Variants in SLFN12L observed in about 807,000 individuals in gnomAD.
SLFN12L encodes the protein schlafen family member 12 like, also known as schlafen family member 12-like.
A neutral mutation model predicts 34.8 loss-of-function variants in SLFN12L; 34 were observed. That is an observed-to-expected ratio of 0.98 (90% CI 0.74 to 1.30). The LOEUF (loss-of-function observed/expected upper bound fraction) is 1.30, where lower values mean the gene tolerates loss of function less well. Ranked by LOEUF, SLFN12L falls within the 50% of genes most tolerant of loss-of-function variation. The pLI is 0.00. For synonymous variants in SLFN12L, 259 were observed against 247.5 expected (o/e 1.05, Z -0.44); for missense variants, 703 against 696.2 (o/e 1.01, Z -0.11).
intron 2 of SLFN12L, among the ~76,000 whole-genome samples, chr17:35,489,552 C>A (rs1470591115): frequency 6.6e-6 from 1 of 151,498 alleles, no homozygotes; most frequent in South Asian, 2.1e-4. Flanking sequence ...AAACCCTGTC[C>A]GTATATATAT....
chr17:35,504,107 G>T (rs1369302633), intron 2 of SLFN12L, among the ~76,000 whole-genome samples: 1 of 152,156 alleles, frequency 6.6e-6, no homozygotes, highest in East Asian at 1.9e-4. Flanking sequence ...TGCATTTAAT[G>T]CTTGCCTTGT....
chr17:35,477,589 G>A (rs938981379), intron 4 of SLFN12L, among the ~76,000 whole-genome samples: 7 of 152,048 alleles, frequency 4.6e-5, no homozygotes, highest in Non-Finnish European at 8.8e-5. Context: ...GTAAGAAAAA[G>A]ATAAAGCCTA....
chr17:35,528,554 A>T (rs919463564), intron 1 of SLFN12L, among the ~76,000 whole-genome samples: 5 of 152,120 alleles, frequency 3.3e-5, no homozygotes, highest in Non-Finnish European at 5.9e-5. Context: ...ATCCACAACC[A>T]TTTGATCTGA....
At chr17:35,531,988 C>T (rs2072415992) in intron 1 of SLFN12L, among the ~76,000 whole-genome samples, 1 of 151,774 alleles carries the variant, frequency 6.6e-6, no homozygotes, top group Non-Finnish European at 1.5e-5. Flanking sequence ...GAAATAGAAA[C>T]CTCAAGAACT....
rs1241243659 is a variant in SLFN12L at position 35,467,034 on chromosome 17, C to T, written c.*7889G>A. Among the ~76,000 whole-genome samples the T allele has an allele frequency of 6.6e-6, 1 of 152,194 alleles. No individual in the cohort carries two copies. The highest frequency in any genetic ancestry group is 6.5e-5 in the Admixed American group (1 of 15,284). On this transcript the variant is annotated 3_prime_UTR_variant, in exon 5 of 5. Transcript: ENST00000628453. ...TCTCTAACCTGTCTCAAGGAGGCTA[C>T]CAAGTCCTGGGCTCTCTAGCATATT...
At chr17:35,489,985 G>A (rs1914765844) in intron 2 of SLFN12L, 1 of 1,539,298 alleles carries the variant, frequency 6.5e-7, no homozygotes, top group Non-Finnish European at 8.9e-7. Context: ...TAGCAAATTG[G>A]GAATAGAAAG....
At chr17:35,477,537 G>A (rs944646425) in intron 4 of SLFN12L, among the ~76,000 whole-genome samples, 3 of 152,064 alleles carry the variant, frequency 2.0e-5, no homozygotes, top group Admixed American at 6.6e-5. Context: ...GTGACTAAAC[G>A]AGGATTTTAT....
chr17:35,478,881 A>T (rs1222457356), intron 3 of SLFN12L, among the ~76,000 whole-genome samples: 1 of 152,224 alleles, frequency 6.6e-6, no homozygotes, highest in Non-Finnish European at 1.5e-5. Context: ...TAGAGAAGAA[A>T]CATCTAGAAT....
intron 4 of SLFN12L, among the ~76,000 whole-genome samples, chr17:35,476,899 A>T (rs1273488997): frequency 1.3e-5 from 2 of 152,362 alleles, no homozygotes; most frequent in Non-Finnish European, 2.9e-5. Context: ...AAAAATCAGA[A>T]CAAATTACTA....
chr17:35,490,990 T>G, intron 2 of SLFN12L: 1 of 787,546 alleles, frequency 1.3e-6, no homozygotes, highest in Non-Finnish European at 2.3e-6. Context: ...GCTCAATTTC[T>G]ATGGGAAACC....
chr17:35,497,599 A>G (rs765779792), intron 2 of SLFN12L, among the ~76,000 whole-genome samples: 3 of 152,106 alleles, frequency 2.0e-5, no homozygotes, highest in Non-Finnish European at 2.9e-5. Context: ...ATACTGTTCT[A>G]TTTAGTGCAA....
intron 1 of SLFN12L, among the ~76,000 whole-genome samples, chr17:35,537,160 A>G (rs947590166): frequency 1.3e-5 from 2 of 152,058 alleles, no homozygotes; most frequent in East Asian, 1.9e-4. Context: ...AGCCTGGGCG[A>G]AAGAGTGAGA....
At chr17:35,490,096 T>G (rs1479890631) in intron 2 of SLFN12L, 2 of 1,606,530 alleles carry the variant, frequency 1.2e-6, no homozygotes, top group Non-Finnish European at 1.7e-6. Context: ...TCCTCCCCAG[T>G]GCCCCAGGCG....
rs1913761965 is a variant in SLFN12L, at chr17:35,469,262, C to T, written c.*5661G>A. Reference sequence around the variant, plus strand: ...TGTATTAGTTCCTATCCCCCAACAACCTGACTGCAGGACCTGTTTTATATA... The same window carrying T: ...TGTATTAGTTCCTATCCCCCAACAATCTGACTGCAGGACCTGTTTTATATA... On this transcript the variant is annotated 3_prime_UTR_variant, in exon 5 of 5. Coordinates refer to ENST00000628453, the MANE Select transcript of SLFN12L (RefSeq NM_001363830.2). Among the ~76,000 whole-genome samples the T allele has an allele frequency of 1.4e-5, 2 of 146,186 alleles. No individual in the cohort carries two copies. The highest frequency in any genetic ancestry group is 4.3e-4 in the South Asian group (2 of 4,642).
chr17:35,522,588 G>A lies in SLFN12L; in HGVS notation c.-224C>T. 1.9e-6 allele frequency: 3 copies of A among 1,608,700 alleles called. No individual in the cohort carries two copies. Among genetic ancestry groups the A allele is most frequent in the Admixed American group, 1.7e-5 (1 of 59,156 alleles). ...TGTGCTGGGTGCCTGCAAAACTATA[G>A]GACGCAGGGTAATCCATCGGAGACA... On this transcript the variant is annotated 5_prime_UTR_variant, in exon 2 of 5. Coordinates refer to ENST00000628453, the MANE Select transcript of SLFN12L (RefSeq NM_001363830.2).
At chr17:35,498,694 A>G (rs776180205) in intron 2 of SLFN12L, 141 of 1,579,268 alleles carry the variant, frequency 8.9e-5, no homozygotes, top group Non-Finnish European at 1.2e-4. Context: ...GCATTCCTAG[A>G]TAACAATTAC....
chr17:35,475,138 A>G lies in SLFN12L; in HGVS notation c.1624T>C (p.Tyr542His). 1.2e-6 allele frequency: 2 copies of G among 1,613,826 alleles called. No homozygotes were observed. The highest frequency in any genetic ancestry group is 1.7e-6 in the Non-Finnish European group (2 of 1,180,036). Residue 542 changes from tyrosine (Y) to histidine (H), a missense_variant, in exon 5 of 5, where the codon TAC becomes CAC. Tyr to His is a moderately conservative substitution (Grantham distance 83). Coordinates refer to ENST00000628453, the MANE Select transcript of SLFN12L (RefSeq NM_001363830.2). The stretch of plus-strand genomic sequence containing the variant: ...CTTGTCTTGCCTTCAGGGCTCAAGT[A>G]GAAGATCTTTGTCATGACACACACT... ...KKVCVMTKIFYLSPEGKTSCQ... is the reference protein window; with the variant it reads ...KKVCVMTKIFHLSPEGKTSCQ...
intron 2 of SLFN12L, among the ~76,000 whole-genome samples, chr17:35,496,067 C>T (rs1484721109): frequency 6.6e-6 from 1 of 152,036 alleles, no homozygotes; most frequent in Non-Finnish European, 1.5e-5. Context: ...GAGGTCGTCC[C>T]CACCCCCGGA....
In SLFN12L at chr17:35,523,026, C is replaced by T. The variant is rs58299705; in HGVS notation, c.-605-57G>A. 2,301 of 398,746 alleles carry T rather than the reference C, an allele frequency of 5.8e-3. 51 individuals are homozygous for T. Among genetic ancestry groups the T allele is most frequent in the African/African-American group, 0.042 (2,051 of 48,788 alleles). The allele number at this position is 398,746 out of a possible 1,614,324, so 24.7% of individuals were successfully genotyped here. A position where few individuals can be genotyped will look rare whatever the true frequency, so the allele number is the denominator to read the frequency against. On this transcript the variant is annotated intron_variant, in intron 1 of 4. Coordinates refer to ENST00000628453, the MANE Select transcript of SLFN12L (RefSeq NM_001363830.2). ...AGGAGAAGAATCATACTGATTATGA[C>T]AATTAGTTATAATTAACTGATTAAT...
Sources: gnomAD v4.1 joint callset for allele counts (sites outside exome capture counted in the v4.1 genomes callset) on GRCh38, gnomAD v4.1.1 for gene constraint, MANE v1.5 for transcripts, NCBI Gene and HGNC (gene_info 2026-07-23, HGNC 2026-07-21) for gene names.